KLHL1: variants seen among roughly 807,000 people sequenced by gnomAD.
KLHL1 encodes the protein kelch-like protein 1.
In KLHL1, 47 loss-of-function variants were observed where a neutral mutation model predicts 77.7. The ratio of observed to expected loss-of-function variants is 0.60; its 90% CI spans 0.48 to 0.77. The LOEUF is 0.77. KLHL1 is among the 30% of genes least tolerant of loss of function. KLHL1 has a pLI of 0.00. For synonymous variants in KLHL1, 360 were observed against 325.2 expected (o/e 1.11, Z -1.15); for missense variants, 925 against 910.8 (o/e 1.02, Z -0.20).
chr13:69,938,696 T>C (rs1425049005), intron 4 of KLHL1, among the ~76,000 whole-genome samples: 4 of 152,244 alleles, frequency 2.6e-5, no homozygotes, highest in Admixed American at 2.6e-4. Flanking sequence ...TGATTTGCTA[T>C]GGTTCACATA....
At chr13:69,776,530 A>G (rs941417663) in intron 7 of KLHL1, among the ~76,000 whole-genome samples, 47 of 152,160 alleles carry the variant, frequency 3.1e-4, no homozygotes, top group African/African-American at 1.1e-3. Context: ...ATTCTAAATT[A>G]TATTTTTGTT....
At chr13:70,069,995 C>T (rs754958076) in intron 1 of KLHL1, among the ~76,000 whole-genome samples, 1 of 151,698 alleles carries the variant, frequency 6.6e-6, no homozygotes, top group African/African-American at 2.4e-5. Flanking sequence ...GGTGAAACCC[C>T]GTCTCCACTA....
At chr13:69,932,727 A>C (rs1462648342) in intron 4 of KLHL1, among the ~76,000 whole-genome samples, 1 of 151,768 alleles carries the variant, frequency 6.6e-6, no homozygotes, top group Non-Finnish European at 1.5e-5. Flanking sequence ...GTTATATCTT[A>C]ATGTTTTAGA....
At chr13:69,764,045 T>C (rs941688728) in intron 7 of KLHL1, among the ~76,000 whole-genome samples, 16 of 152,194 alleles carry the variant, frequency 1.1e-4, no homozygotes, top group Non-Finnish European at 5.9e-5. Flanking sequence ...GAATGACATC[T>C]ATGCCTGAAG....
chr13:69,957,108 G>T (rs899339155), intron 3 of KLHL1, among the ~76,000 whole-genome samples: 1 of 151,610 alleles, frequency 6.6e-6, no homozygotes, highest in Non-Finnish European at 1.5e-5. Flanking sequence ...AAGATTAAAT[G>T]ATAATATCTC....
chr13:70,105,510 T>C (rs559818251), intron 1 of KLHL1, among the ~76,000 whole-genome samples: 1 of 151,564 alleles, frequency 6.6e-6, no homozygotes, highest in South Asian at 2.1e-4. Context: ...ACACATAATG[T>C]TTAAATTTCT....
intron 1 of KLHL1, among the ~76,000 whole-genome samples, chr13:70,096,646 GT>G (rs5804473): frequency 6.7e-6 from 1 of 148,568 alleles, no homozygotes; most frequent in African/African-American, 2.5e-5. Flanking sequence ...AAAGTTAGCT[GT>G]TTTTTTTTTA....
intron 5 of KLHL1, among the ~76,000 whole-genome samples, chr13:69,849,859 A>T: frequency 6.6e-6 from 1 of 151,468 alleles, no homozygotes; most frequent in East Asian, 1.9e-4. Context: ...TAAATAATTT[A>T]TTCATTACCA....
At chr13:69,912,265 G>A (rs1882263293) in intron 4 of KLHL1, among the ~76,000 whole-genome samples, 1 of 152,118 alleles carries the variant, frequency 6.6e-6, no homozygotes, top group African/African-American at 2.4e-5. Context: ...AGCTCTGCTT[G>A]AAATCCACTG....
intron 1 of KLHL1, among the ~76,000 whole-genome samples, chr13:70,013,357 C>G (rs769274131): frequency 5.9e-5 from 9 of 152,312 alleles, no homozygotes; most frequent in Non-Finnish European, 1.2e-4. Flanking sequence ...GGCTACTCTA[C>G]TTGACTGCAG....
At chr13:70,002,337 T>A (rs1041843033) in intron 1 of KLHL1, among the ~76,000 whole-genome samples, 1 of 151,568 alleles carries the variant, frequency 6.6e-6, no homozygotes, top group Non-Finnish European at 1.5e-5. Flanking sequence ...AGAATCTTAA[T>A]GTATGAATAG....
At chr13:69,853,964 T>C (rs1350958472) in intron 5 of KLHL1, among the ~76,000 whole-genome samples, 2 of 151,500 alleles carry the variant, frequency 1.3e-5, no homozygotes, top group Non-Finnish European at 2.9e-5. Context: ...TGCTGTCTTC[T>C]CATAGATTTA....
intron 4 of KLHL1, among the ~76,000 whole-genome samples, chr13:69,903,374 A>C (rs1047187725): frequency 2.0e-5 from 3 of 152,138 alleles, no homozygotes; most frequent in Non-Finnish European, 2.9e-5. Context: ...ACCAGAGCGC[A>C]TCTGCCCCAG....
chr13:69,878,849 C>G (rs1217274601), intron 5 of KLHL1, among the ~76,000 whole-genome samples: 3 of 152,072 alleles, frequency 2.0e-5, no homozygotes, highest in African/African-American at 7.2e-5. Flanking sequence ...TTGGAACCAA[C>G]CCAGATGTCC....
In KLHL1 at chr13:70,108,237, C is replaced by G. The variant is rs1888126742; in HGVS notation, c.-538G>C. 2.6e-6 allele frequency: 1 copy of G among 389,564 alleles called. No individual in the cohort carries two copies. Among genetic ancestry groups the G allele is most frequent in the Non-Finnish European group, 4.5e-6 (1 of 221,216 alleles). 24.1% of individuals were successfully genotyped at this position (389,564 alleles called of 1,614,324 possible). On this transcript the variant is annotated 5_prime_UTR_variant, in exon 1 of 11. Transcript: ENST00000377844. ...AGTCTCGAGGAAGCGTACCCCTCGC[C>G]AGATCTCTTGGTGCACCTGCGCCCC...
At chr13:70,029,013 G>A (rs1427703171) in intron 1 of KLHL1, among the ~76,000 whole-genome samples, 3 of 151,922 alleles carry the variant, frequency 2.0e-5, no homozygotes, top group African/African-American at 7.3e-5. Flanking sequence ...CCTGATTAGG[G>A]AACATTTGCA....
intron 5 of KLHL1, among the ~76,000 whole-genome samples, chr13:69,872,516 C>T (rs1007836130): frequency 1.3e-5 from 2 of 152,106 alleles, no homozygotes; most frequent in East Asian, 3.9e-4. Flanking sequence ...AATCCATGTG[C>T]CAGCGTGATG....
At chr13:69,867,211 T>C (rs1376796465) in intron 5 of KLHL1, among the ~76,000 whole-genome samples, 1 of 152,144 alleles carries the variant, frequency 6.6e-6, no homozygotes, top group African/African-American at 2.4e-5. Context: ...ATAAAGTATT[T>C]TAAGTATTTT....
chr13:70,090,970 C>T (rs1248076397), intron 1 of KLHL1, among the ~76,000 whole-genome samples: 1 of 151,764 alleles, frequency 6.6e-6, no homozygotes, highest in Non-Finnish European at 1.5e-5. Flanking sequence ...CTTCACATTA[C>T]TTCTTCCTTT....
Sources: allele counts gnomAD v4.1 joint callset (sites outside exome capture counted in the v4.1 genomes callset), GRCh38; gene constraint gnomAD v4.1.1; transcripts MANE v1.5; gene names NCBI Gene and HGNC (gene_info 2026-07-23, HGNC 2026-07-21).